Variants in NNT observed in about 807,000 individuals in gnomAD.
The protein encoded by NNT is NAD(P) transhydrogenase, mitochondrial.
Under a neutral mutation model 104.8 loss-of-function variants are expected in NNT, and 50 were observed. That is an observed-to-expected ratio of 0.48 (90% CI 0.38 to 0.60). The LOEUF is 0.60. NNT is among the 20% of genes least tolerant of loss of function. The pLI is 0.00. For missense variants in NNT, 1,131 were observed against 1,330.7 expected (o/e 0.85, Z 2.33); for synonymous variants, 461 against 490.4 (o/e 0.94, Z 0.79).
intron 18 of NNT, among the ~76,000 whole-genome samples, chr5:43,677,480 C>T (rs774964792): frequency 4.0e-5 from 6 of 151,290 alleles, no homozygotes; most frequent in East Asian, 1.9e-4. Context: ...TGTGCAGTGT[C>T]GGGGGTGGGG....
At chr5:43,677,271 A>G (rs921775094) in intron 18 of NNT, among the ~76,000 whole-genome samples, 5 of 152,146 alleles carry the variant, frequency 3.3e-5, no homozygotes, top group Non-Finnish European at 7.4e-5. Flanking sequence ...CCCTTTGGAA[A>G]CTTATATAAG....
intron 17 of NNT, among the ~76,000 whole-genome samples, chr5:43,665,462 T>C (rs1740593632): frequency 1.3e-5 from 2 of 152,036 alleles, no homozygotes. Context: ...CCTTCAAGCA[T>C]CTGTTTAACA....
intron 7 of NNT, among the ~76,000 whole-genome samples, chr5:43,630,102 T>C (rs28629332): frequency 0.014 from 2,131 of 152,314 alleles, 51 homozygotes; most frequent in African/African-American, 0.044. Context: ...TTTTATCGTT[T>C]CAGGTCTTAG....
At chr5:43,678,538 G>A (rs1741541351) in intron 19 of NNT, among the ~76,000 whole-genome samples, 1 of 152,122 alleles carries the variant, frequency 6.6e-6, no homozygotes, top group African/African-American at 2.4e-5. Flanking sequence ...TTTCTCTGTG[G>A]TTTGATTTGA....
intron 7 of NNT, among the ~76,000 whole-genome samples, chr5:43,636,817 A>G (rs1323310160): frequency 6.6e-6 from 1 of 152,184 alleles, no homozygotes; most frequent in African/African-American, 2.4e-5. Context: ...TTTTGCAGCT[A>G]TGAGAGGTAA....
chr5:43,618,696 A>C (rs939045948), intron 4 of NNT, among the ~76,000 whole-genome samples: 1 of 152,196 alleles, frequency 6.6e-6, no homozygotes, highest in Non-Finnish European at 1.5e-5. Flanking sequence ...TGCATAATGG[A>C]TAAGAGAGTG....
In NNT at chr5:43,656,008, A is replaced by G. The variant is rs973500417; in HGVS notation, c.2228A>G (p.Tyr743Cys). The G allele has an allele frequency of 1.2e-6, 2 of 1,614,094 alleles. No individual in the cohort carries two copies. The highest frequency in any genetic ancestry group is 2.7e-5 in the African/African-American group (2 of 74,938). Residue 743 changes from tyrosine (Y) to cysteine (C), a missense_variant, in exon 15 of 22, where the codon TAC becomes TGC. Tyr to Cys is a radical substitution (Grantham distance 194, BLOSUM62 -2). Coordinates refer to ENST00000344920, the MANE Select transcript of NNT (RefSeq NM_182977.3). ...GCAAATCTCACCAAGATTGTGGCCTACCTCGGCACTTACATTGGTGGCGTC... is the reference window on the plus strand; with the variant it reads ...GCAAATCTCACCAAGATTGTGGCCTGCCTCGGCACTTACATTGGTGGCGTC... ...AAANLTKIVA[Y>C]LGTYIGGVTF...
intron 17 of NNT, among the ~76,000 whole-genome samples, chr5:43,670,796 G>C (rs1193956159): frequency 1.3e-5 from 2 of 152,178 alleles, no homozygotes; most frequent in African/African-American, 2.4e-5. Context: ...ATGTCTATTA[G>C]GTCCTGTTGG....
intron 14 of NNT, among the ~76,000 whole-genome samples, chr5:43,655,187 G>A (rs923880986): frequency 2.0e-5 from 3 of 152,186 alleles, no homozygotes; most frequent in African/African-American, 4.8e-5. Flanking sequence ...GAGAATATAA[G>A]GGAATTTGAT....
intron 19 of NNT, among the ~76,000 whole-genome samples, chr5:43,692,617 C>T (rs1742348587): frequency 6.6e-6 from 1 of 151,966 alleles, no homozygotes; most frequent in South Asian, 2.1e-4. Flanking sequence ...AGCCACTGAG[C>T]CTGGCCATGC....
Position 43,651,765 on chromosome 5 carries a change from C to G in NNT, c.1744C>G (p.Leu582Val). The change falls in exon 13 of 22, where the codon CTG becomes GTG. Residue 582 changes from leucine to valine, a missense_variant. Transcript: ENST00000344920. ...TGGCTTTCTGGTGACTCAGAGAATGCTGGACATGTTCAAGCGTCCCACTGA... is the reference window on the plus strand; with the variant it reads ...TGGCTTTCTGGTGACTCAGAGAATGGTGGACATGTTCAAGCGTCCCACTGA... ...AGGFLVTQRMLDMFKRPTDPP... is the reference protein window; with the variant it reads ...AGGFLVTQRMVDMFKRPTDPP... 6.2e-7 allele frequency: 1 copy of G among 1,614,076 alleles called. No homozygotes were observed. The highest frequency in any genetic ancestry group is 8.5e-7 in the Non-Finnish European group (1 of 1,180,008).
At chr5:43,641,559 A>G (rs1259370261) in intron 7 of NNT, among the ~76,000 whole-genome samples, 2 of 152,116 alleles carry the variant, frequency 1.3e-5, no homozygotes, top group Admixed American at 1.3e-4. Flanking sequence ...TCATATATGT[A>G]TTGTATTATG....
At chr5:43,652,884 A>C in intron 13 of NNT, 134 bp from the exon 14 acceptor site, 1 of 594,482 alleles carries the variant, frequency 1.7e-6, no homozygotes, top group South Asian at 4.2e-5. Flanking sequence ...CAATTTATAT[A>C]AATGGTATAA....
chr5:43,630,975 C>T (rs1427064984), intron 7 of NNT, among the ~76,000 whole-genome samples: 1 of 152,154 alleles, frequency 6.6e-6, no homozygotes, highest in African/African-American at 2.4e-5. Context: ...GCTTCCCCCA[C>T]AACAAAAAAC....
intron 4 of NNT, among the ~76,000 whole-genome samples, chr5:43,616,398 C>G (rs1269645137): frequency 6.6e-6 from 1 of 152,154 alleles, no homozygotes; most frequent in African/African-American, 2.4e-5. Context: ...GTTGAAGTTA[C>G]TGTTTTTATA....
At chr5:43,632,906 C>A (rs1750748943) in intron 7 of NNT, among the ~76,000 whole-genome samples, 1 of 152,122 alleles carries the variant, frequency 6.6e-6, no homozygotes, top group African/African-American at 2.4e-5. Context: ...GGTTGAAAAT[C>A]TGATAAGTAC....
At chr5:43,685,780 A>ACTG in intron 19 of NNT, among the ~76,000 whole-genome samples, 1 of 152,208 alleles carries the variant, frequency 6.6e-6, no homozygotes, top group East Asian at 1.9e-4. Context: ...GCCCAAGAAA[A>ACTG]CTGCTGCTGT....
rs113832882 is a variant in NNT, at chr5:43,704,624, A to T, written c.*220A>T. ...GAAAATTCTAAATGTCTTTCTGTGC[A>T]TATTTTTTGTGTTAGGAATCAAAAG... On this transcript the variant is annotated 3_prime_UTR_variant, in exon 22 of 22. Coordinates refer to ENST00000344920, the MANE Select transcript of NNT (RefSeq NM_182977.3). The T allele has an allele frequency of 5.7e-4, 251 of 438,224 alleles. 1 individual carries two copies. The highest frequency in any genetic ancestry group is 4.6e-3 in the African/African-American group (220 of 48,112). The allele number at this position is 438,224 out of a possible 1,614,324, so 27.1% of individuals were successfully genotyped here. A position where few individuals can be genotyped will look rare whatever the true frequency, so the allele number is the denominator to read the frequency against.
At chr5:43,661,601 C>T (rs1169910347) in intron 17 of NNT, among the ~76,000 whole-genome samples, 1 of 138,582 alleles carries the variant, frequency 7.2e-6, no homozygotes, top group Non-Finnish European at 1.5e-5. Flanking sequence ...TGATATTCCC[C>T]TTCCTGTGTC....
Sources: gnomAD v4.1 joint callset for allele counts (sites outside exome capture counted in the v4.1 genomes callset) on GRCh38, gnomAD v4.1.1 for gene constraint, MANE v1.5 for transcripts, NCBI Gene and HGNC (gene_info 2026-07-23, HGNC 2026-07-21) for gene names.